The following ZC2HC1A variants were observed in gnomAD, a reference collection of about 807,000 sequenced individuals.
ZC2HC1A encodes zinc finger C2HC domain-containing protein 1A.
In ZC2HC1A, 28 loss-of-function variants were observed where a neutral mutation model predicts 40.7. That is an observed-to-expected ratio of 0.69 (90% CI 0.51 to 0.94). ZC2HC1A has a LOEUF of 0.94. Ranked by LOEUF, ZC2HC1A falls within the 40% of genes least tolerant of loss-of-function variation. The pLI, the probability that ZC2HC1A is intolerant of heterozygous loss-of-function variation, is 0.00. For synonymous variants in ZC2HC1A, 129 were observed against 129.2 expected, an observed-to-expected ratio of 1.00 and a Z score of 0.01; for missense variants, 389 against 386.3, an observed-to-expected ratio of 1.01 and a Z score of -0.06.
At chr8:78,686,257 G>T (rs959372317) in intron 3 of ZC2HC1A, among the ~76,000 whole-genome samples, 2 of 152,078 alleles carry the variant, frequency 1.3e-5, no homozygotes, top group African/African-American at 2.4e-5. Flanking sequence ...TGTCTTTCGC[G>T]ATGACACTTA....
intron 1 of ZC2HC1A, among the ~76,000 whole-genome samples, chr8:78,672,598 A>G (rs1270891015): frequency 2.6e-5 from 4 of 152,132 alleles, no homozygotes; most frequent in Non-Finnish European, 5.9e-5. Context: ...AGGTTTAGTA[A>G]TTTACCGTAG....
chr8:78,669,967 C>CTTTTTTTT (rs371762916), intron 1 of ZC2HC1A, among the ~76,000 whole-genome samples: 1 of 123,036 alleles, frequency 8.1e-6, no homozygotes, highest in African/African-American at 3.3e-5. Flanking sequence ...TTCTTTCTTT[C>CTTTTTTTT]TTTCTTTTTT....
At chr8:78,669,581 G>C (rs768206412) in intron 1 of ZC2HC1A, among the ~76,000 whole-genome samples, 1 of 152,128 alleles carries the variant, frequency 6.6e-6, no homozygotes, top group African/African-American at 2.4e-5. Context: ...CTGTAGAAAG[G>C]CCCAGTAGGA....
At position 78,718,110 on chromosome 8, in the gene ZC2HC1A, A is replaced by G. The variant is rs1811163029; in HGVS notation, c.*617A>G. 1 of 152,046 alleles carries G rather than the reference A, an allele frequency of 6.6e-6. No homozygotes were observed. The highest frequency in any genetic ancestry group is 2.4e-5 in the African/African-American group (1 of 41,444). 9.4% of individuals were successfully genotyped at this position (152,046 alleles called of 1,614,324 possible). ...CATCTTACTTGTTTTGTAAAAGTGT[A>G]ATTATGCAATTTCCTTTTCAAATAC... On this transcript the variant is annotated 3_prime_UTR_variant, in exon 9 of 9. Coordinates refer to ENST00000263849, the MANE Select transcript of ZC2HC1A (RefSeq NM_016010.3).
At chr8:78,675,991 T>G (rs1809567016) in intron 2 of ZC2HC1A, 128 bp downstream of exon 2, 1 of 661,346 alleles carries the variant, frequency 1.5e-6, no homozygotes, top group Non-Finnish European at 2.4e-6. Flanking sequence ...TATTCTTTGT[T>G]CAAGGGTCTT....
rs182596963 is a variant in ZC2HC1A at position 78,690,812 on chromosome 8, T to C, written c.504+1439T>C. On this transcript the variant is annotated intron_variant, in intron 5 of 8. Coordinates refer to ENST00000263849, the MANE Select transcript of ZC2HC1A (RefSeq NM_016010.3). The stretch of plus-strand genomic sequence containing the variant: ...TATTATATAGGTCATACACATGTTT[T>C]GTTAGATTTTCCAAGTATATCATGT... 3.3e-5 allele frequency among the ~76,000 whole-genome samples: 5 copies of C among 152,332 alleles called. No homozygotes were observed. In the East Asian group the frequency reaches 5.8e-4, roughly 18 times the overall value.
chr8:78,718,241 ATT>A lies in ZC2HC1A; in HGVS notation c.*750_*751del, dbSNP rs766081589. On this transcript the variant is annotated 3_prime_UTR_variant, in exon 9 of 9. Coordinates refer to ENST00000263849, the MANE Select transcript of ZC2HC1A (RefSeq NM_016010.3). ...TTTTTACTTCCAATTGTTTTTCCAG[ATT>A]TCACTTTTCCTCTTTTTCCATAACC... 1 of 151,810 alleles carries A rather than the reference ATT, an allele frequency of 6.6e-6. No homozygotes were observed. Among genetic ancestry groups the A allele is most frequent in the Non-Finnish European group, 1.5e-5 (1 of 67,860 alleles). 9.4% of individuals were successfully genotyped at this position (151,810 alleles called of 1,614,324 possible). A position where few individuals can be genotyped will look rare whatever the true frequency, so the allele number is the denominator to read the frequency against.
At position 78,711,931 on chromosome 8, in the gene ZC2HC1A, CTT is replaced by C. The variant is rs781395837; in HGVS notation, c.705-3288_705-3287del. 12 of 1,097,406 alleles carry C rather than the reference CTT, an allele frequency of 1.1e-5. No individual in the cohort carries two copies. In the African/African-American group the frequency reaches 1.5e-4, roughly 13 times the overall value. The allele number at this position is 1,097,406 out of a possible 1,614,324, so 68.0% of individuals were successfully genotyped here. A position where few individuals can be genotyped will look rare whatever the true frequency, so the allele number is the denominator to read the frequency against. On this transcript the variant is annotated intron_variant, in intron 7 of 8. Coordinates refer to ENST00000263849, the MANE Select transcript of ZC2HC1A (RefSeq NM_016010.3). ...ACCAGAATAATGTCTTTTAAAAAAA[CTT>C]TATATAAAGAAGCAGTAGCAATCTC...
chr8:78,696,086 G>A (rs905910572), intron 5 of ZC2HC1A, among the ~76,000 whole-genome samples: 5 of 151,756 alleles, frequency 3.3e-5, no homozygotes, highest in Admixed American at 1.3e-4. Context: ...CCAGGCTAGA[G>A]TGCAGTGGCG....
chr8:78,698,178 T>C (rs563482962), intron 6 of ZC2HC1A, among the ~76,000 whole-genome samples: 1 of 152,326 alleles, frequency 6.6e-6, no homozygotes, highest in Non-Finnish European at 1.5e-5. Context: ...GAAGAAGATA[T>C]TGACCACTGA....
Position 78,689,314 on chromosome 8 carries a change from A to C in ZC2HC1A, c.445A>C (p.Ser149Arg). The change falls in exon 5 of 9, where the codon AGT becomes CGT. Residue 149 changes from serine to arginine, a missense_variant. By Grantham distance (110) the Ser-to-Arg change is moderately radical (BLOSUM62 -1). Coordinates refer to ENST00000263849, the MANE Select transcript of ZC2HC1A (RefSeq NM_016010.3). ...CTGTAAAGAACAGGCAGCACGTATT[A>C]GTAATAAAGGGAAATTTTCTACAGA... ...NFCKEQAARI[S>R]NKGKFSTDTK... 6.2e-7 allele frequency: 1 copy of C among 1,605,124 alleles called. No individual in the cohort carries two copies. Among genetic ancestry groups the C allele is most frequent in the Non-Finnish European group, 8.5e-7 (1 of 1,175,810 alleles).
At chr8:78,681,901 C>CTTTT (rs56181953) in intron 3 of ZC2HC1A, among the ~76,000 whole-genome samples, 59 of 126,446 alleles carry the variant, frequency 4.7e-4, no homozygotes, top group Non-Finnish European at 5.8e-4. Context: ...CTTTTTCTTT[C>CTTTT]TTTTTTTTTT....
chr8:78,691,475 T>A (rs1298046751), intron 5 of ZC2HC1A, among the ~76,000 whole-genome samples: 1 of 152,138 alleles, frequency 6.6e-6, no homozygotes, highest in Non-Finnish European at 1.5e-5. Context: ...TATATATGTG[T>A]TTTTGCATTG....
At chr8:78,687,854 TA>T (rs1245001906) in intron 4 of ZC2HC1A, among the ~76,000 whole-genome samples, 4 of 87,398 alleles carry the variant, frequency 4.6e-5, no homozygotes, top group East Asian at 3.5e-4. Context: ...TATATTTATA[TA>T]ATATATATCT....
At chr8:78,693,970 C>T (rs976288162) in intron 5 of ZC2HC1A, among the ~76,000 whole-genome samples, 2 of 152,168 alleles carry the variant, frequency 1.3e-5, no homozygotes, top group Non-Finnish European at 2.9e-5. Context: ...GTTTTCCCAG[C>T]ACCATTTATT....
At chr8:78,684,217 T>G (rs1482918436) in intron 3 of ZC2HC1A, among the ~76,000 whole-genome samples, 1 of 152,182 alleles carries the variant, frequency 6.6e-6, no homozygotes, top group Non-Finnish European at 1.5e-5. Flanking sequence ...CATACTGCTA[T>G]GAAGAAATAC....
chr8:78,698,541 G>A (rs1288808967), intron 7 of ZC2HC1A, 28 bp downstream of exon 7: 1 of 1,468,990 alleles, frequency 6.8e-7, no homozygotes, highest in African/African-American at 1.4e-5. Flanking sequence ...ATAATTATTA[G>A]TGGTATATAA....
At chr8:78,698,604 T>A in intron 7 of ZC2HC1A, 91 bp downstream of exon 7, 1 of 962,028 alleles carries the variant, frequency 1.0e-6, no homozygotes, top group South Asian at 2.3e-5. Flanking sequence ...TTCATTCATC[T>A]TCATTTCCTA....
At chr8:78,697,548 A>G (rs1413870496) in intron 6 of ZC2HC1A, 42 bp downstream of exon 6, 2 of 1,470,448 alleles carry the variant, frequency 1.4e-6, no homozygotes, top group Non-Finnish European at 1.9e-6. Context: ...TTTTGAAACC[A>G]TGTTGGCAGA....
Sources: allele counts gnomAD v4.1 joint callset (sites outside exome capture counted in the v4.1 genomes callset), GRCh38; gene constraint gnomAD v4.1.1; transcripts MANE v1.5; gene names NCBI Gene and HGNC (gene_info 2026-07-23, HGNC 2026-07-21).